The following PSMG2 variants were observed in gnomAD, a reference collection of about 807,000 sequenced individuals.
The protein encoded by PSMG2 is proteasome assembly chaperone 2, also known as CD40 ligand-activated specific transcript 3.
PSMG2 carries 21 observed loss-of-function variants against 31.5 expected under a neutral mutation model. That is an observed-to-expected ratio of 0.67 (90% CI 0.47 to 0.96). The LOEUF is 0.96. Ranked by LOEUF, PSMG2 falls within the 40% of genes least tolerant of loss-of-function variation. The pLI is 0.00. For missense variants in PSMG2, 318 were observed against 321.2 expected (o/e 0.99, Z 0.08); for synonymous variants, 120 against 110.4 (o/e 1.09, Z -0.54).
At chr18:12,706,856 A>C (rs1193055012) in intron 2 of PSMG2, 135 bp downstream of exon 2, 1 of 862,286 alleles carries the variant, frequency 1.2e-6, no homozygotes, top group Non-Finnish European at 1.7e-6. Flanking sequence ...CAACCCAATC[A>C]CATTGTCCTA....
At chr18:12,661,406 A>G (rs2038693504) in intron 1 of PSMG2, 1 of 964,226 alleles carries the variant, frequency 1.0e-6, no homozygotes, top group Non-Finnish European at 1.2e-6. Context: ...AGCCATTGAT[A>G]TCTTCTCAGT....
chr18:12,690,682 C>T (rs1388352765), intron 1 of PSMG2, among the ~76,000 whole-genome samples: 2 of 151,944 alleles, frequency 1.3e-5, no homozygotes, highest in Non-Finnish European at 2.9e-5. Context: ...GTCTCGATCT[C>T]CTGACCTCTT....
chr18:12,699,072 G>A (rs753187002), upstream of PSMG2: 7 of 1,614,006 alleles, frequency 4.3e-6, no homozygotes, highest in African/African-American at 2.7e-5. Flanking sequence ...CGTTGGTTTC[G>A]ATAATGTAAA....
chr18:12,672,765 G>T (rs1485286293), intron 1 of PSMG2: 4 of 976,070 alleles, frequency 4.1e-6, no homozygotes, highest in South Asian at 9.5e-5. Context: ...TTCATATGAG[G>T]TTATTAATAT....
rs76560775 is a variant in PSMG2, at chr18:12,710,556, G to A, written c.230-2146G>A. ...AGTCCCTTTTTTTTCATCACAAACC[G>A]ATTTATTGAAGAAAAGACTAGGTGT... On this transcript the variant is annotated intron_variant, in intron 2 of 6. Coordinates refer to ENST00000317615, the MANE Select transcript of PSMG2 (RefSeq NM_020232.5). Among the ~76,000 whole-genome samples the A allele has an allele frequency of 5.1e-4, 78 of 151,994 alleles. No homozygotes were observed. In the East Asian group the frequency reaches 6.4e-3, roughly 12 times the overall value.
intron 1 of PSMG2, among the ~76,000 whole-genome samples, chr18:12,666,848 A>T (rs1808299969): frequency 6.6e-6 from 1 of 152,174 alleles, no homozygotes; most frequent in African/African-American, 2.4e-5. Context: ...CAGGTTTATC[A>T]AAACTGAAGA....
chr18:12,693,530 T>C (rs960095714), intron 1 of PSMG2, among the ~76,000 whole-genome samples: 2 of 152,164 alleles, frequency 1.3e-5, no homozygotes, highest in African/African-American at 4.8e-5. Flanking sequence ...TTAAAACTCA[T>C]GTATACCACT....
At chr18:12,690,940 C>CT (rs985606584) in intron 1 of PSMG2, among the ~76,000 whole-genome samples, 28 of 84,990 alleles carry the variant, frequency 3.3e-4, no homozygotes, top group Non-Finnish European at 7.5e-4. Context: ...ATGCCCAGAG[C>CT]CCCCCCCCGT....
At chr18:12,675,693 G>C (rs2039099904) in intron 1 of PSMG2, among the ~76,000 whole-genome samples, 1 of 151,866 alleles carries the variant, frequency 6.6e-6, no homozygotes. Flanking sequence ...TTTTGAGACA[G>C]AGTCTTACTC....
intron 1 of PSMG2, among the ~76,000 whole-genome samples, chr18:12,705,568 A>AGTGT (rs1356391959): frequency 4.0e-4 from 51 of 126,832 alleles, no homozygotes; most frequent in African/African-American, 8.2e-4. Flanking sequence ...AGAGAGAGAG[A>AGTGT]GAGAGAGAGT....
At chr18:12,690,502 C>G (rs937807546) in intron 1 of PSMG2, among the ~76,000 whole-genome samples, 15 of 151,584 alleles carry the variant, frequency 9.9e-5, no homozygotes, top group African/African-American at 3.4e-4. Flanking sequence ...GTTGCCCAGG[C>G]CGGACTGCAG....
At chr18:12,703,185 G>C (rs1388201904) in intron 1 of PSMG2, 21 bp downstream of exon 1, 3 of 1,598,054 alleles carry the variant, frequency 1.9e-6, no homozygotes, top group African/African-American at 1.3e-5. Context: ...ATTTGCGCTC[G>C]GGGCTGCCGC....
At chr18:12,673,587 T>G (rs2039007991) in intron 1 of PSMG2, 3 of 1,222,322 alleles carry the variant, frequency 2.5e-6, no homozygotes, top group Non-Finnish European at 3.4e-6. Context: ...GTATTTAAAA[T>G]AATTTTTTCA....
In PSMG2 at chr18:12,666,436, G is replaced by GTATT. The variant is rs1555640544; in HGVS notation, c.-37+7664_-37+7665insATTT. Among the ~76,000 whole-genome samples, 265 of 126,608 alleles carry GTATT rather than the reference G, an allele frequency of 2.1e-3. 6 individuals are homozygous for GTATT. The highest frequency in any genetic ancestry group is 6.9e-3 in the African/African-American group (237 of 34,588). The allele number at this position is 126,608 out of a possible 152,430, so 83.1% of individuals were successfully genotyped here. A position where few individuals can be genotyped will look rare whatever the true frequency, so the allele number is the denominator to read the frequency against. On this transcript the variant is annotated intron_variant, in intron 1 of 6. Coordinates refer to the PSMG2 transcript ENST00000585331. ...TTTTCAGGGTTAACAAAATTTTATGGTTTTTTTTTTTTTTTTTTTGTGAGG... is the reference window on the plus strand; with the variant it reads ...TTTTCAGGGTTAACAAAATTTTATGGTATTTTTTTTTTTTTTTTTTTTTGTGAGG...
intron 1 of PSMG2, among the ~76,000 whole-genome samples, chr18:12,687,195 C>A (rs1323233274): frequency 6.6e-6 from 1 of 152,150 alleles, no homozygotes; most frequent in Admixed American, 6.6e-5. Context: ...ATGACCTACC[C>A]TCCCTGATAG....
upstream of PSMG2, chr18:12,699,001 A>T: frequency 6.2e-7 from 1 of 1,612,902 alleles, no homozygotes; most frequent in Non-Finnish European, 8.5e-7. Context: ...TGTGTACTTC[A>T]AGTAAAAAGC....
chr18:12,696,488 C>T (rs534168985), intron 1 of PSMG2, among the ~76,000 whole-genome samples: 8 of 150,760 alleles, frequency 5.3e-5, no homozygotes, highest in Non-Finnish European at 7.4e-5. Context: ...GGTGACAGAG[C>T]GAGACTCCAT....
chr18:12,702,544 G>A, upstream of PSMG2: 1 of 1,603,104 alleles, frequency 6.2e-7, no homozygotes. Context: ...CGGAGGCAGC[G>A]ACATGCTGGC....
chr18:12,716,332 A>C (rs976002528), intron 3 of PSMG2, among the ~76,000 whole-genome samples: 1 of 151,694 alleles, frequency 6.6e-6, no homozygotes. Context: ...AATCAGTGTA[A>C]GTTGAAAAAT....
Sources: gnomAD v4.1 joint callset for allele counts (sites outside exome capture counted in the v4.1 genomes callset) on GRCh38, gnomAD v4.1.1 for gene constraint, MANE v1.5 for transcripts, NCBI Gene and HGNC (gene_info 2026-07-23, HGNC 2026-07-21) for gene names.